Variants in ABCA7 observed in about 807,000 individuals in gnomAD.
ABCA7 encodes ATP binding cassette subfamily A member 7.
A neutral mutation model predicts 227.6 loss-of-function variants in ABCA7; 261 were observed. The ratio of observed to expected loss-of-function variants is 1.15; its 90% confidence interval spans 1.04 to 1.27. The LOEUF (loss-of-function observed/expected upper bound fraction) is 1.27. ABCA7 is among the 50% of genes most tolerant of loss of function. The pLI is 0.00. For missense variants in ABCA7, 3,331 were observed against 2,924.5 expected (o/e 1.14, Z -3.21); for synonymous variants, 1,488 against 1,279.7 (o/e 1.16, Z -3.47).
chr19:1,046,703 C>A, intron 13 of ABCA7, 99 bp from the exon 14 acceptor site: 1 of 1,306,210 alleles, frequency 7.7e-7, no homozygotes, highest in Admixed American at 2.1e-5. Context: ...AATCTTCCCG[C>A]CTTGAGATCC....
At chr19:1,044,187 G>T (rs981966656) in intron 10 of ABCA7, among the ~76,000 whole-genome samples, 4 of 141,912 alleles carry the variant, frequency 2.8e-5, no homozygotes, top group African/African-American at 8.0e-5. Flanking sequence ...TGATCCACCC[G>T]CCTCGGCCTC....
intron 13 of ABCA7, 48 bp downstream of exon 13, chr19:1,046,454 C>T: frequency 2.0e-6 from 3 of 1,513,106 alleles, no homozygotes; most frequent in South Asian, 1.3e-5. Context: ...GGGAAGGTCC[C>T]GGGTGTGGGG....
At position 1,054,016 on chromosome 19, in the gene ABCA7, C is replaced by T. The variant is rs765988376; in HGVS notation, c.3483C>T (p.Cys1161=). 6.2e-6 allele frequency: 10 copies of T among 1,613,148 alleles called. No homozygotes were observed. The highest frequency in any genetic ancestry group is 2.2e-5 in the South Asian group (2 of 91,082). ...AADTDMEDGS[C]GQHLCTGIAG... ...CTGATGGCCCTGCAGATGGCAGCTG[C>T]GGGCAGCACCTATGCACAGGCATTG... Residue 1161 remains cysteine (C), a synonymous_variant, in exon 26 of 47, where the codon TGC becomes TGT. Coordinates refer to ENST00000263094, the MANE Select transcript of ABCA7 (RefSeq NM_019112.4). The surrounding 1 kb of genome is among the most constrained non-coding windows in gnomAD (Gnocchi z 4.8).
intron 30 of ABCA7, 136 bp from the exon 31 acceptor site, chr19:1,055,771 G>C: frequency 5.6e-6 from 5 of 886,476 alleles, no homozygotes; most frequent in Non-Finnish European, 8.2e-6. Context: ...CAAAGTGTTG[G>C]GATTACAGGC....
rs930067583 is a variant in ABCA7, at chr19:1,054,942, G to C, written c.3950+64G>C. ...GCCTCAGTTTTCCCATCTGGTCCCTGGCCAGGGAGCCTCAGGGGGCACCTG... is the reference window on the plus strand; with the variant it reads ...GCCTCAGTTTTCCCATCTGGTCCCTCGCCAGGGAGCCTCAGGGGGCACCTG... On this transcript the variant is annotated intron_variant, in intron 29 of 46. Coordinates refer to ENST00000263094, the MANE Select transcript of ABCA7 (RefSeq NM_019112.4). The surrounding 1 kb of genome is among the most constrained non-coding windows in gnomAD (Gnocchi z 4.8). 6.4e-7 allele frequency: 1 copy of C among 1,555,796 alleles called. No individual in the cohort carries two copies. Among genetic ancestry groups the C allele is most frequent in the African/African-American group, 1.4e-5 (1 of 73,320 alleles).
In ABCA7 at chr19:1,056,537, C is replaced by T; in HGVS notation, c.4586+38C>T. On this transcript the variant is annotated intron_variant, in intron 33 of 46. Transcript: ENST00000263094. This position sits in a 1 kb window ranked among gnomAD's most constrained non-coding sequence, Gnocchi z 4.3. The stretch of plus-strand genomic sequence containing the variant: ...ACCCTGCATGTCCTACCCTGCACGT[C>T]CTACCCTGCCTCCATTTCTCTGTCG... 1.9e-6 allele frequency: 3 copies of T among 1,571,084 alleles called. No individual in the cohort carries two copies. Among genetic ancestry groups the T allele is most frequent in the Non-Finnish European group, 2.6e-6 (3 of 1,155,324 alleles).
At chr19:1,041,065 G>T (rs535658649) in intron 1 of ABCA7, 160 bp from the exon 2 acceptor site, 3 of 495,810 alleles carry the variant, frequency 6.1e-6, no homozygotes, top group African/African-American at 5.8e-5. Flanking sequence ...ATTAGAGGAT[G>T]ATCTTTAAGT....
Position 1,054,778 on chromosome 19 carries a change from AG to A in ABCA7, c.3852-1del. The A allele has an allele frequency of 1.2e-6, 2 of 1,604,350 alleles. No individual in the cohort carries two copies. The highest frequency in any genetic ancestry group is 1.7e-6 in the Non-Finnish European group (2 of 1,175,924). ...TGACCCTACATCTCCCCTCACACAC[AG>A]TGAGGACGCCCCAGGGGACCCTGGA... On this transcript the variant is annotated splice_acceptor_variant, in intron 28 of 46. Transcript: ENST00000263094. LOFTEE classifies it high-confidence loss of function. The surrounding 1 kb of genome is among the most constrained non-coding windows in gnomAD (Gnocchi z 4.8).
At position 1,041,842 on chromosome 19, in the gene ABCA7, A is replaced by G. The variant is rs2040068906; in HGVS notation, c.172A>G (p.Asn58Asp). ...GCGTCTCCCCGCAGGCCACTTCCCA[A>G]ACAAGCCACTGCCATCGGCGGGCAC... ...PLEHHECHFP[N>D]KPLPSAGTVP... is the part of the protein sequence containing the mutation. Residue 58 changes from asparagine (N) to aspartate (D), a missense_variant, in exon 4 of 47, where the codon AAC becomes GAC. Coordinates refer to ENST00000263094, the MANE Select transcript of ABCA7 (RefSeq NM_019112.4). 1 of 1,604,866 alleles carries G rather than the reference A, an allele frequency of 6.2e-7. No individual in the cohort carries two copies. The highest frequency in any genetic ancestry group is 1.1e-5 in the South Asian group (1 of 90,610).
chr19:1,053,178 C>A, intron 23 of ABCA7, 151 bp from the exon 24 acceptor site: 2 of 762,644 alleles, frequency 2.6e-6, no homozygotes, highest in Non-Finnish European at 4.2e-6. Flanking sequence ...CAGGCGTGAG[C>A]CACTGCGCCC....
At position 1,057,374 on chromosome 19, in the gene ABCA7, G is replaced by T. The variant is rs2042346246; in HGVS notation, c.4825G>T (p.Ala1609Ser). ...CATCTTTCTGGCCTTCCAGCAGAGGGCATATGTGGCCCCTGCCAACCTGCC... is the reference window on the plus strand; with the variant it reads ...CATCTTTCTGGCCTTCCAGCAGAGGTCATATGTGGCCCCTGCCAACCTGCC... ...VLIFLAFQQRAYVAPANLPAL... is the reference protein window; with the variant it reads ...VLIFLAFQQRSYVAPANLPAL... Residue 1609 changes from alanine to serine, a missense_variant, in exon 35 of 47, where the codon GCA becomes TCA. Physicochemically the swap from Ala to Ser is moderately conservative, Grantham distance 99. Coordinates refer to ENST00000263094, the MANE Select transcript of ABCA7 (RefSeq NM_019112.4). 1.9e-6 allele frequency: 3 copies of T among 1,613,780 alleles called. No homozygotes were observed. The highest frequency in any genetic ancestry group is 1.3e-5 in the African/African-American group (1 of 74,906).
intron 18 of ABCA7, 103 bp from the exon 19 acceptor site, chr19:1,050,818 T>TAATAAA (rs1052458426): frequency 1.8e-4 from 122 of 666,124 alleles, no homozygotes; most frequent in Middle Eastern, 5.8e-4. Context: ...ATAATAATAA[T>TAATAAA]AAATAATTAA....
intron 40 of ABCA7, among the ~76,000 whole-genome samples, chr19:1,059,864 T>C (rs577144281): frequency 1.9e-3 from 291 of 152,342 alleles, no homozygotes; most frequent in African/African-American, 6.7e-3. Context: ...GTCTGGCCTG[T>C]GCATTTATCT....
rs762176234 is a variant in ABCA7 at position 1,054,748 on chromosome 19, AG to A, written c.3852-31del. The stretch of plus-strand genomic sequence containing the variant: ...AGGAAGACTAGGGACCTGGGGGTAC[AG>A]CCCTGACCCTACATCTCCCCTCACA... On this transcript the variant is annotated intron_variant, in intron 28 of 46. Coordinates refer to ENST00000263094, the MANE Select transcript of ABCA7 (RefSeq NM_019112.4). This position sits in a 1 kb window ranked among gnomAD's most constrained non-coding sequence, Gnocchi z 4.8. 6.2e-7 allele frequency: 1 copy of A among 1,607,276 alleles called. No individual in the cohort carries two copies. Among genetic ancestry groups the A allele is most frequent in the Non-Finnish European group, 8.5e-7 (1 of 1,175,648 alleles).
chr19:1,064,053 G>A (rs1225085372), intron 44 of ABCA7, 108 bp from the exon 45 acceptor site: 1 of 1,351,096 alleles, frequency 7.4e-7, no homozygotes, highest in Non-Finnish European at 9.9e-7. Context: ...GGAAGAGTGG[G>A]GAGATGTCCA....
At position 1,054,481 on chromosome 19, in the gene ABCA7, C is replaced by A; in HGVS notation, c.3727-89C>A. 1 of 1,570,326 alleles carries A rather than the reference C, an allele frequency of 6.4e-7. No individual in the cohort carries two copies. On this transcript the variant is annotated intron_variant, in intron 27 of 46. Coordinates refer to ENST00000263094, the MANE Select transcript of ABCA7 (RefSeq NM_019112.4). The surrounding 1 kb of genome is among the most constrained non-coding windows in gnomAD (Gnocchi z 4.8). ...CACATTTATTGAGGGCACTGGGGAG[C>A]CATGGGTGGTTGTAGAGCAGGAGCA...
At position 1,057,004 on chromosome 19, in the gene ABCA7, G is replaced by C; in HGVS notation, c.4684G>C (p.Val1562Leu). Residue 1562 changes from valine to leucine, a missense_variant, in exon 34 of 47, where the codon GTC becomes CTC. Val to Leu is a conservative substitution (Grantham distance 32). Coordinates refer to ENST00000263094, the MANE Select transcript of ABCA7 (RefSeq NM_019112.4). Reference protein sequence around the residue: ...SFTLVLIEERVTRAKHLQLMG... With the variant: ...SFTLVLIEERLTRAKHLQLMG... ...CACTCTTGTCCTCATTGAGGAGCGA[G>C]TCACCCGAGCCAAGCACCTGCAGCT... is the stretch of plus-strand genomic sequence containing the variant. The C allele has an allele frequency of 6.2e-7, 1 of 1,613,910 alleles. No homozygotes were observed. The highest frequency in any genetic ancestry group is 1.7e-5 in the Admixed American group (1 of 60,018).
At position 1,042,440 on chromosome 19, in the gene ABCA7, G is replaced by A. The variant is rs1380173215; in HGVS notation, c.498+43G>A. ...GACCGCGCTGACTTCCTGGGACACT[G>A]CACTGGGGATGTCCTGGCACTGCCC... is the stretch of plus-strand genomic sequence containing the variant. On this transcript the variant is annotated intron_variant, in intron 6 of 46. Coordinates refer to ENST00000263094, the MANE Select transcript of ABCA7 (RefSeq NM_019112.4). 10 of 1,605,576 alleles carry A rather than the reference G, an allele frequency of 6.2e-6. No individual in the cohort carries two copies. The Admixed American group carries it at 6.7e-5, about 11-fold the overall frequency.
intron 40 of ABCA7, among the ~76,000 whole-genome samples, chr19:1,060,400 G>A (rs1168342473): frequency 6.6e-5 from 10 of 151,170 alleles, no homozygotes; most frequent in Admixed American, 3.3e-4. Flanking sequence ...TAGTAGAGAC[G>A]GGGTTTCACC....
Sources: allele counts gnomAD v4.1 joint callset (sites outside exome capture counted in the v4.1 genomes callset), GRCh38; gene constraint gnomAD v4.1.1; non-coding constraint Gnocchi (gnomAD v3.1); transcripts MANE v1.5; gene names NCBI Gene and HGNC (gene_info 2026-07-23, HGNC 2026-07-21).